Variants in NAV2 observed in about 807,000 individuals in gnomAD.
NAV2 encodes the protein neuron navigator 2.
In NAV2, 54 loss-of-function variants were observed where a neutral mutation model predicts 223.2. The ratio of observed to expected loss-of-function variants is 0.24; its 90% CI spans 0.19 to 0.30. The LOEUF is 0.30. Ranked by LOEUF, NAV2 falls within the 10% of genes least tolerant of loss-of-function variation. NAV2 has a pLI of 1.00. For synonymous variants in NAV2, 1,279 were observed against 1,239.3 expected (o/e 1.03, Z -0.67); for missense variants, 2,806 against 3,147.5 (o/e 0.89, Z 2.60).
chr11:19,587,128 T>G (rs1485874112), intron 1 of NAV2, among the ~76,000 whole-genome samples: 1 of 152,178 alleles, frequency 6.6e-6, no homozygotes, highest in Non-Finnish European at 1.5e-5. Flanking sequence ...GATCTCAGAT[T>G]GCTGTGCTAG....
chr11:19,398,863 G>T (rs1041836436), intron 1 of NAV2, among the ~76,000 whole-genome samples: 1 of 152,146 alleles, frequency 6.6e-6, no homozygotes, highest in Non-Finnish European at 1.5e-5. Flanking sequence ...ATTTTTGGAC[G>T]CAGCCTCAGC....
intron 5 of NAV2, among the ~76,000 whole-genome samples, chr11:19,881,666 A>G (rs192314769): frequency 3.3e-5 from 5 of 152,332 alleles, no homozygotes; most frequent in African/African-American, 1.2e-4. Flanking sequence ...CTTGGGAGTC[A>G]AGAATGAATG....
chr11:19,407,400 C>G (rs1849945447), intron 1 of NAV2, among the ~76,000 whole-genome samples: 2 of 152,132 alleles, frequency 1.3e-5, no homozygotes. Flanking sequence ...AGCTGAGACA[C>G]AAAGGATGAC....
intron 14 of NAV2, among the ~76,000 whole-genome samples, chr11:20,047,574 G>A (rs1055335495): frequency 1.3e-5 from 2 of 152,218 alleles, no homozygotes; most frequent in African/African-American, 4.8e-5. Context: ...GTTACCCTTT[G>A]AAGTAACGAG....
At chr11:19,509,886 G>T (rs1272487826) in intron 1 of NAV2, among the ~76,000 whole-genome samples, 1 of 152,148 alleles carries the variant, frequency 6.6e-6, no homozygotes, top group Non-Finnish European at 1.5e-5. Context: ...TATGAGCTGG[G>T]TTTAGCAGGC....
intron 11 of NAV2, among the ~76,000 whole-genome samples, chr11:20,026,486 A>G (rs1427418239): frequency 2.6e-5 from 4 of 151,778 alleles, no homozygotes; most frequent in Non-Finnish European, 5.9e-5. Flanking sequence ...AATTTTTTGT[A>G]TTTTTAGTAG....
intron 1 of NAV2, among the ~76,000 whole-genome samples, chr11:19,569,790 A>G (rs1296653851): frequency 6.6e-6 from 1 of 152,182 alleles, no homozygotes; most frequent in East Asian, 1.9e-4. Context: ...GGGAGGGAGA[A>G]CTGCCCCTAA....
chr11:19,589,157 C>A (rs1464853048), intron 1 of NAV2, among the ~76,000 whole-genome samples: 2 of 152,182 alleles, frequency 1.3e-5, no homozygotes, highest in African/African-American at 4.8e-5. Context: ...TCCTGTATTT[C>A]TTGGATCCTA....
At chr11:19,547,081 T>C (rs1590476776) in intron 1 of NAV2, among the ~76,000 whole-genome samples, 1 of 151,962 alleles carries the variant, frequency 6.6e-6, no homozygotes, top group Non-Finnish European at 1.5e-5. Context: ...GACATGGGGG[T>C]GGTCCCTGCC....
At chr11:20,102,097 C>G (rs1001416338) in intron 32 of NAV2, among the ~76,000 whole-genome samples, 8 of 152,204 alleles carry the variant, frequency 5.3e-5, no homozygotes, top group African/African-American at 1.9e-4. Context: ...AGAGAAGTAC[C>G]CAGAGCTCTT....
At chr11:19,700,366 C>T (rs2049476564) in intron 1 of NAV2, among the ~76,000 whole-genome samples, 1 of 152,174 alleles carries the variant, frequency 6.6e-6, no homozygotes, top group Non-Finnish European at 1.5e-5. Flanking sequence ...CCAAAATCAT[C>T]CTTTTAACCA....
chr11:19,862,401 T>G (rs374151540), intron 3 of NAV2, among the ~76,000 whole-genome samples: 1 of 152,184 alleles, frequency 6.6e-6, no homozygotes, highest in Non-Finnish European at 1.5e-5. Context: ...AGCTTTCCTG[T>G]TTCAAAGCCA....
Position 20,023,080 on chromosome 11 carries a change from G to C in NAV2, c.2769-12879G>C, listed in dbSNP as rs753791305. The stretch of plus-strand genomic sequence containing the variant: ...GATTCATTCAGCTTCTTTGTCCGCT[G>C]TTCTCCAAGGGCCGCAATGTAGTGA... On this transcript the variant is annotated intron_variant, in intron 11 of 37. Transcript: ENST00000349880. 42 of 1,551,582 alleles carry C rather than the reference G, an allele frequency of 2.7e-5. 1 individual carries two copies. The Admixed American group carries it at 4.5e-4, about 17-fold the overall frequency.
intron 1 of NAV2, among the ~76,000 whole-genome samples, chr11:19,573,156 C>G (rs2045472083): frequency 6.6e-6 from 1 of 152,186 alleles, no homozygotes. Flanking sequence ...CCACCTCCAC[C>G]CAGACATCTG....
rs542807031 is a variant in NAV2 at position 19,593,879 on chromosome 11, T to A, written c.76-238605T>A. Among the ~76,000 whole-genome samples the A allele has an allele frequency of 6.6e-5, 10 of 152,300 alleles. 1 individual carries two copies. In the South Asian group the frequency reaches 1.2e-3, roughly 19 times the overall value. On this transcript the variant is annotated intron_variant, in intron 1 of 37. Coordinates refer to the NAV2 transcript ENST00000360655. ...CTCTACATGTCATTTACCCATCTTC[T>A]GGTTGGATTGTTTGTTTTTTAATGT...
chr11:19,409,542 A>G (rs1020835612), intron 1 of NAV2, among the ~76,000 whole-genome samples: 2 of 152,166 alleles, frequency 1.3e-5, no homozygotes, highest in African/African-American at 4.8e-5. Flanking sequence ...GGAATGCAGC[A>G]CTAGAGGCCT....
intron 1 of NAV2, among the ~76,000 whole-genome samples, chr11:19,639,787 C>G (rs1341856940): frequency 6.6e-6 from 1 of 152,176 alleles, no homozygotes; most frequent in Non-Finnish European, 1.5e-5. Context: ...GTGGAGCGTT[C>G]TCCCACCGCT....
At chr11:19,748,194 C>A (rs926792540) in intron 1 of NAV2, among the ~76,000 whole-genome samples, 1 of 152,070 alleles carries the variant, frequency 6.6e-6, no homozygotes. Context: ...GTTCAGAGGC[C>A]CTTATAGATG....
intron 6 of NAV2, among the ~76,000 whole-genome samples, chr11:19,898,188 A>G (rs1277431389): frequency 1.1e-4 from 17 of 152,112 alleles, no homozygotes; most frequent in Admixed American, 1.1e-3. Flanking sequence ...TTTCTTCTGA[A>G]TAATACGGTT....
Sources: allele counts gnomAD v4.1 joint callset (sites outside exome capture counted in the v4.1 genomes callset), GRCh38; gene constraint gnomAD v4.1.1; transcripts MANE v1.5; gene names NCBI Gene and HGNC (gene_info 2026-07-23, HGNC 2026-07-21).